AHRR: variants seen among roughly 807,000 people sequenced by gnomAD.
AHRR encodes the protein ahR repressor.
AHRR carries 28 observed loss-of-function variants against 44.0 expected under a neutral mutation model. The ratio of observed to expected loss-of-function variants is 0.64; its 90% confidence interval spans 0.47 to 0.87. The LOEUF (loss-of-function observed/expected upper bound fraction) is 0.87, where lower values mean the gene tolerates loss of function less well. Ranked by LOEUF, AHRR falls within the 40% of genes least tolerant of loss-of-function variation. The probability of loss-of-function intolerance (pLI) is 0.00; values close to 1 mark genes in which losing one functional copy is unlikely to be tolerated. For missense variants in AHRR, 990 were observed against 953.9 expected (o/e 1.04, Z -0.50); for synonymous variants, 434 against 407.0 (o/e 1.07, Z -0.80).
rs1329318374 is a variant in AHRR at position 415,439 on chromosome 5, TCGGGCGGGAGGCCTA to T, written c.441+2007_441+2021del. Among the ~76,000 whole-genome samples the T allele has an allele frequency of 2.1e-4, 26 of 122,822 alleles. 2 individuals carry two copies. The highest frequency in any genetic ancestry group is 3.1e-4 in the East Asian group (1 of 3,256). 80.6% of individuals were successfully genotyped at this position (122,822 alleles called of 152,430 possible). The stretch of plus-strand genomic sequence containing the variant: ...AGGCCTAGGGGCCGAATCTGCCTGG[TCGGGCGGGAGGCCTA>T]GGGGCCGAGTCTGCCTGGTCGGGTG... On this transcript the variant is annotated intron_variant, in intron 5 of 10. Transcript: ENST00000684583.
Position 387,752 on chromosome 5 carries a change from G to C in AHRR, c.351+11036G>C, listed in dbSNP as rs954477716. ...GTGTGTCCATACGCTGTACCTGCCG[G>C]AACTTGGCGACACCATGTCAGCTTC... On this transcript the variant is annotated intron_variant, in intron 4 of 10. Transcript: ENST00000684583. This position sits in a 1 kb window ranked among gnomAD's most constrained non-coding sequence, Gnocchi z 5.1. Among the ~76,000 whole-genome samples the C allele has an allele frequency of 6.6e-6, 1 of 152,260 alleles. No individual in the cohort carries two copies. Among genetic ancestry groups the C allele is most frequent in the Non-Finnish European group, 1.5e-5 (1 of 68,042 alleles).
chr5:344,465 T>C (rs1346755249), intron 2 of AHRR, among the ~76,000 whole-genome samples: 1 of 15,454 alleles, frequency 6.5e-5, no homozygotes, highest in Non-Finnish European at 1.4e-4. Flanking sequence ...TGTGTGTGTG[T>C]GAGGCTGTGT....
intron 4 of AHRR, among the ~76,000 whole-genome samples, chr5:392,380 CGAGGAGGGCGCAGGGT>C (rs1734503070): frequency 8.2e-6 from 1 of 121,994 alleles, no homozygotes; most frequent in Non-Finnish European, 1.7e-5. Context: ...GGGCGCAGGG[CGAGGAGGGCGCAGGGT>C]GAGGCAGGGC....
intron 4 of AHRR, among the ~76,000 whole-genome samples, chr5:398,872 C>T (rs538249556): frequency 2.7e-4 from 41 of 152,340 alleles, no homozygotes; most frequent in African/African-American, 9.6e-4. Flanking sequence ...CCGCCCCCGT[C>T]TGTTCTGGGT....
chr5:396,963 T>C (rs1214503535), intron 4 of AHRR, among the ~76,000 whole-genome samples: 1 of 152,030 alleles, frequency 6.6e-6, no homozygotes, highest in African/African-American at 2.4e-5. Flanking sequence ...TCCAGGACTC[T>C]CCACCATTTA....
At chr5:427,679 G>C in intron 7 of AHRR, 128 bp from the exon 8 acceptor site, 1 of 1,613,232 alleles carries the variant, frequency 6.2e-7, no homozygotes, top group African/African-American at 1.3e-5. Flanking sequence ...CTGCTGTCCC[G>C]AGCCACTCAT....
intron 2 of AHRR, among the ~76,000 whole-genome samples, chr5:349,719 T>C (rs988496672): frequency 6.6e-6 from 1 of 152,246 alleles, no homozygotes; most frequent in African/African-American, 2.4e-5. Context: ...TTTGCACATT[T>C]TCTTGTAAAG....
chr5:415,597 G>A (rs1579689359), intron 5 of AHRR, among the ~76,000 whole-genome samples: 3 of 131,122 alleles, frequency 2.3e-5, no homozygotes, highest in African/African-American at 6.5e-5. Flanking sequence ...CCTAGGGGCC[G>A]AATCTGCCTG....
rs534025083 is a variant in AHRR, at chr5:427,418, C to T, written c.709-389C>T. On this transcript the variant is annotated intron_variant, in intron 7 of 10. Coordinates refer to ENST00000684583, the MANE Select transcript of AHRR (RefSeq NM_001377236.1). Reference sequence around the variant, plus strand: ...AGCTGAAACAATCCTTGGAGATCATCCACTCCTGCGAATTCTTGCCAGGGG... The same window carrying T: ...AGCTGAAACAATCCTTGGAGATCATTCACTCCTGCGAATTCTTGCCAGGGG... Among the ~76,000 whole-genome samples the T allele has an allele frequency of 5.2e-5, 6 of 116,042 alleles. No homozygotes were observed. In the East Asian group the frequency reaches 1.6e-3, roughly 30 times the overall value. The allele number at this position is 116,042 out of a possible 152,430, so 76.1% of individuals were successfully genotyped here. A position where few individuals can be genotyped will look rare whatever the true frequency, so the allele number is the denominator to read the frequency against.
chr5:392,977 C>T (rs913310130), intron 4 of AHRR, among the ~76,000 whole-genome samples: 5 of 152,152 alleles, frequency 3.3e-5, no homozygotes, highest in African/African-American at 7.2e-5. Flanking sequence ...CACTGGGGCC[C>T]ACCTACTTCT....
chr5:374,395 C>T (rs1877843), intron 3 of AHRR, among the ~76,000 whole-genome samples: 93,473 of 152,166 alleles, frequency 0.61, 29,151 homozygotes, highest in African/African-American at 0.65. Context: ...TTTCTGAACA[C>T]GCGTATTGTG....
chr5:376,821 C>A, intron 4 of AHRR, 105 bp downstream of exon 4: 1 of 995,222 alleles, frequency 1.0e-6, no homozygotes, highest in Non-Finnish European at 1.5e-6. Context: ...GGCCCTCACC[C>A]AGGAGGCCCT....
At chr5:416,785 G>C (rs1357982754) in intron 5 of AHRR, among the ~76,000 whole-genome samples, 1 of 152,242 alleles carries the variant, frequency 6.6e-6, no homozygotes, top group African/African-American at 2.4e-5. Context: ...CACAGTACAG[G>C]ACATGGGCGG....
chr5:414,615 G>A (rs1358301383), intron 5 of AHRR, among the ~76,000 whole-genome samples: 1 of 152,174 alleles, frequency 6.6e-6, no homozygotes, highest in East Asian at 1.9e-4. Context: ...TAAACAAACC[G>A]TGCTTCCTGG....
intron 8 of AHRR, among the ~76,000 whole-genome samples, chr5:431,678 CAGGGG>C (rs1167479126): frequency 3.8e-4 from 58 of 152,290 alleles, no homozygotes; most frequent in Middle Eastern, 3.4e-3. Context: ...GCTTTTCCCA[CAGGGG>C]TTTTGTGACA....
chr5:377,630 G>T (rs528055096), intron 4 of AHRR, among the ~76,000 whole-genome samples: 69 of 152,332 alleles, frequency 4.5e-4, no homozygotes, highest in Non-Finnish European at 9.0e-4. Context: ...GCCTGGGAGG[G>T]GCTGCTCAAC....
At chr5:375,044 A>C (rs1320701280) in intron 3 of AHRR, among the ~76,000 whole-genome samples, 1 of 152,092 alleles carries the variant, frequency 6.6e-6, no homozygotes, top group African/African-American at 2.4e-5. Context: ...TAGCAGGTGG[A>C]TGCCTTCCTG....
At chr5:368,009 T>C (rs1743427230) in intron 3 of AHRR, 3 of 688,822 alleles carry the variant, frequency 4.4e-6, no homozygotes, top group Non-Finnish European at 8.0e-6. Context: ...ATGAAGGCAA[T>C]GGTGATTCAC....
At chr5:416,703 C>T (rs1167914931) in intron 5 of AHRR, among the ~76,000 whole-genome samples, 4 of 152,106 alleles carry the variant, frequency 2.6e-5, no homozygotes, top group South Asian at 2.1e-4. Context: ...GGAGTGGGTC[C>T]GTTGGGTCCG....
Sources: gnomAD v4.1 joint callset for allele counts (sites outside exome capture counted in the v4.1 genomes callset) on GRCh38, gnomAD v4.1.1 for gene constraint, Gnocchi (gnomAD v3.1) non-coding constraint, MANE v1.5 for transcripts, NCBI Gene and HGNC (gene_info 2026-07-23, HGNC 2026-07-21) for gene names.